The following FRAS1 variants were observed in gnomAD, a reference collection of about 807,000 sequenced individuals.
The protein encoded by FRAS1 is extracellular matrix organizing protein FRAS1.
Under a neutral mutation model 435.2 loss-of-function variants are expected in FRAS1, and 290 were observed. The observed-to-expected ratio is 0.67, with a 90% confidence interval of 0.61 to 0.73. The LOEUF is 0.73. FRAS1 is among the 30% of genes least tolerant of loss of function. The pLI is 0.00. For missense variants in FRAS1, 4,860 were observed against 5,001.5 expected, an observed-to-expected ratio of 0.97 and a Z score of 0.85; for synonymous variants, 1,800 against 1,851.0, an observed-to-expected ratio of 0.97 and a Z score of 0.71.
At chr4:78,174,296 C>T (rs1177810282) in intron 2 of FRAS1, among the ~76,000 whole-genome samples, 2 of 152,182 alleles carry the variant, frequency 1.3e-5, no homozygotes, top group Non-Finnish European at 2.9e-5. Context: ...TAGCGCTTGG[C>T]AAACATACCT....
chr4:78,448,024 G>GT (rs1718906370), intron 43 of FRAS1, 29 bp from the exon 44 acceptor site: 2 of 1,549,486 alleles, frequency 1.3e-6, no homozygotes, highest in African/African-American at 2.7e-5. Context: ...TTCTACCATT[G>GT]TTTTGCTTTT....
intron 2 of FRAS1, among the ~76,000 whole-genome samples, chr4:78,088,934 T>C (rs1741356305): frequency 6.6e-6 from 1 of 152,168 alleles, no homozygotes; most frequent in African/African-American, 2.4e-5. Context: ...ACTGGGTATA[T>C]ACCCAAAGGA....
In FRAS1 at chr4:78,511,256, AT is replaced by A. The variant is rs754696966; in HGVS notation, c.9781-12del. ...AAGTAGGGTACTCACATTGGAGGTG[AT>A]TTTTTCTTCCTGTTAGGTCCTGGAC... On this transcript the variant is annotated splice_polypyrimidine_tract_variant and intron_variant, in intron 63 of 73. Transcript: ENST00000512123. 1 of 1,557,232 alleles carries A rather than the reference AT, an allele frequency of 6.4e-7. No individual in the cohort carries two copies. Among genetic ancestry groups the A allele is most frequent in the East Asian group, 2.3e-5 (1 of 44,120 alleles).
intron 18 of FRAS1, among the ~76,000 whole-genome samples, chr4:78,323,237 T>A (rs1729578096): frequency 6.6e-6 from 1 of 152,224 alleles, no homozygotes; most frequent in Admixed American, 6.5e-5. Context: ...TGTTGCTAAT[T>A]GTAAAAGATT....
At chr4:78,381,608 T>C (rs1214075528) in intron 27 of FRAS1, among the ~76,000 whole-genome samples, 1 of 152,170 alleles carries the variant, frequency 6.6e-6, no homozygotes, top group African/African-American at 2.4e-5. Context: ...AGTATTTCTA[T>C]CACACAGACA....
Position 78,441,170 on chromosome 4 carries a change from G to A in FRAS1, c.5538G>A (p.Glu1846=), listed in dbSNP as rs1398858543. The change falls in exon 41 of 74, where the codon GAG becomes GAA. Residue 1846 remains glutamate (E), a synonymous_variant. Transcript: ENST00000512123. ...GTTCTTTTCTTTCTTAGGTTGATGA[G>A]GGAGGGAGAGCACCACTCTCATTTC... ...IAFADLITVD[E]GGRAPLSFHH... 3.7e-6 allele frequency: 6 copies of A among 1,613,536 alleles called. No homozygotes were observed. The highest frequency in any genetic ancestry group is 1.7e-6 in the Non-Finnish European group (2 of 1,179,668).
At chr4:78,416,288 T>C (rs1314185025) in intron 32 of FRAS1, among the ~76,000 whole-genome samples, 1 of 151,520 alleles carries the variant, frequency 6.6e-6, no homozygotes, top group East Asian at 1.9e-4. Flanking sequence ...AGGGGTAGAG[T>C]GCGTGATGTG....
chr4:78,479,349 T>C (rs371765500), intron 55 of FRAS1, 25 bp from the exon 56 acceptor site: 10 of 1,430,052 alleles, frequency 7.0e-6, no homozygotes, highest in Non-Finnish European at 7.4e-6. Flanking sequence ...TCAAATGCTT[T>C]GGTTTTTTGC....
At chr4:78,113,500 A>G (rs1742888440) in intron 2 of FRAS1, among the ~76,000 whole-genome samples, 12 of 152,056 alleles carry the variant, frequency 7.9e-5, no homozygotes. Flanking sequence ...TTGTTTCCTG[A>G]CTTTTTAATG....
At chr4:78,216,567 A>G (rs1723777180) in intron 2 of FRAS1, among the ~76,000 whole-genome samples, 1 of 152,236 alleles carries the variant, frequency 6.6e-6, no homozygotes, top group South Asian at 2.1e-4. Context: ...AGAGGGGAAC[A>G]GGTCATAGTT....
At chr4:78,359,754 G>A (rs1560678052) in intron 20 of FRAS1, among the ~76,000 whole-genome samples, 2 of 152,260 alleles carry the variant, frequency 1.3e-5, no homozygotes, top group East Asian at 1.9e-4. Context: ...GTGTGAGGTA[G>A]AACTATAAAC....
intron 2 of FRAS1, among the ~76,000 whole-genome samples, chr4:78,212,774 A>T (rs950533212): frequency 3.3e-5 from 5 of 152,206 alleles, no homozygotes; most frequent in African/African-American, 1.2e-4. Context: ...ACAGTGGCTT[A>T]TGTGCTAAGG....
intron 2 of FRAS1, among the ~76,000 whole-genome samples, chr4:78,187,024 T>A (rs1722302136): frequency 6.6e-6 from 1 of 152,222 alleles, no homozygotes; most frequent in African/African-American, 2.4e-5. Context: ...CATGCATGGA[T>A]GAGAATGAAA....
chr4:78,471,890 T>G (rs146975435), intron 51 of FRAS1, among the ~76,000 whole-genome samples: 76 of 152,302 alleles, frequency 5.0e-4, no homozygotes, highest in African/African-American at 1.8e-3. Context: ...TCTTTTTCTC[T>G]CTCTCTCTTT....
intron 59 of FRAS1, 26 bp downstream of exon 59, chr4:78,489,106 G>A (rs778897905): frequency 6.3e-7 from 1 of 1,586,282 alleles, no homozygotes; most frequent in South Asian, 1.1e-5. Context: ...GTGGCTGAAA[G>A]ATGAGATTCT....
intron 2 of FRAS1, among the ~76,000 whole-genome samples, chr4:78,088,836 G>T (rs959785407): frequency 5.3e-5 from 8 of 152,214 alleles, no homozygotes. Flanking sequence ...TGGTGGGACT[G>T]TAAACTAGTT....
intron 2 of FRAS1, among the ~76,000 whole-genome samples, chr4:78,136,383 G>T (rs1292139128): frequency 6.6e-6 from 1 of 152,148 alleles, no homozygotes; most frequent in Non-Finnish European, 1.5e-5. Flanking sequence ...GACCGTGAAA[G>T]CATTATAAAT....
intron 65 of FRAS1, 41 bp from the exon 66 acceptor site, chr4:78,515,758 A>G (rs1290551702): frequency 1.3e-6 from 2 of 1,597,202 alleles, no homozygotes; most frequent in South Asian, 1.1e-5. Flanking sequence ...CTTGGCATCC[A>G]CAAACCAAGT....
intron 2 of FRAS1, among the ~76,000 whole-genome samples, chr4:78,216,875 C>T (rs1392317748): frequency 6.6e-6 from 1 of 152,022 alleles, no homozygotes; most frequent in African/African-American, 2.4e-5. Context: ...TTTATGGCCA[C>T]AGGAGAGTAT....
Sources: allele counts gnomAD v4.1 joint callset (sites outside exome capture counted in the v4.1 genomes callset), GRCh38; gene constraint gnomAD v4.1.1; transcripts MANE v1.5; gene names NCBI Gene and HGNC (gene_info 2026-07-23, HGNC 2026-07-21).